CARMIL1: variants seen among roughly 807,000 people sequenced by gnomAD.
CARMIL1 encodes capping protein regulator and myosin 1 linker 1, also known as F-actin-uncapping protein LRRC16A.
CARMIL1 carries 90 observed loss-of-function variants against 177.1 expected under a neutral mutation model. The observed-to-expected ratio is 0.51, with a 90% CI of 0.43 to 0.61. CARMIL1 has a LOEUF of 0.61. Among genes scored for constraint, CARMIL1 ranks in the 20% least tolerant of loss-of-function variants. The pLI is 0.00. For missense variants in CARMIL1, 1,380 were observed against 1,667.0 expected (o/e 0.83, Z 3.00); for synonymous variants, 577 against 606.2 (o/e 0.95, Z 0.71).
intron 9 of CARMIL1, among the ~76,000 whole-genome samples, chr6:25,468,254 T>A (rs983590011): frequency 6.6e-6 from 1 of 152,070 alleles, no homozygotes; most frequent in African/African-American, 2.4e-5. Context: ...TTGGCCAACA[T>A]TCTTGATTCA....
chr6:25,292,694 G>T (rs1478596597), intron 2 of CARMIL1, among the ~76,000 whole-genome samples: 1 of 152,130 alleles, frequency 6.6e-6, no homozygotes, highest in African/African-American at 2.4e-5. Context: ...ACATACACCA[G>T]GCTCGGTGTA....
At chr6:25,392,096 G>A (rs936648815) in intron 2 of CARMIL1, among the ~76,000 whole-genome samples, 1 of 126,874 alleles carries the variant, frequency 7.9e-6, no homozygotes, top group Non-Finnish European at 1.7e-5. Context: ...GTGTGTGTGT[G>A]TGTATCACAT....
chr6:25,310,057 C>G (rs1165451632), intron 2 of CARMIL1, among the ~76,000 whole-genome samples: 2 of 152,044 alleles, frequency 1.3e-5, no homozygotes, highest in Non-Finnish European at 2.9e-5. Context: ...AGTGAGCCAC[C>G]CCGCCGGGCC....
intron 2 of CARMIL1, among the ~76,000 whole-genome samples, chr6:25,387,278 AC>A (rs1461450250): frequency 6.6e-6 from 1 of 152,234 alleles, no homozygotes; most frequent in Non-Finnish European, 1.5e-5. Flanking sequence ...TTTGAGAAAT[AC>A]TTGTTATGAA....
intron 2 of CARMIL1, among the ~76,000 whole-genome samples, chr6:25,361,449 C>A (rs1380384967): frequency 1.3e-5 from 2 of 151,730 alleles, no homozygotes; most frequent in African/African-American, 4.8e-5. Context: ...TTCCAAAATT[C>A]ATTTATATGA....
chr6:25,551,111 A>G, intron 27 of CARMIL1, 26 bp downstream of exon 27: 2 of 1,582,202 alleles, frequency 1.3e-6, no homozygotes, highest in Non-Finnish European at 1.7e-6. Context: ...TAATAAACCT[A>G]GGAGCTGCAG....
At chr6:25,499,767 C>T (rs1392730644) in intron 16 of CARMIL1, among the ~76,000 whole-genome samples, 1 of 152,276 alleles carries the variant, frequency 6.6e-6, no homozygotes, top group African/African-American at 2.4e-5. Context: ...CTTTACTTTG[C>T]GACTCTAATA....
chr6:25,550,102 C>T lies in CARMIL1; in HGVS notation c.2329-808C>T, dbSNP rs962190372. ...ATGCTGATGCCCTTTCCACACTTTC[C>T]AACCGTATCACCCATCTCAGACAAA... On this transcript the variant is annotated intron_variant, in intron 26 of 36. Transcript: ENST00000329474. Among the ~76,000 whole-genome samples, 4 of 152,180 alleles carry T rather than the reference C, an allele frequency of 2.6e-5. No homozygotes were observed. The East Asian group carries it at 7.7e-4, about 29-fold the overall frequency.
chr6:25,411,499 C>T (rs1330590042), intron 2 of CARMIL1, among the ~76,000 whole-genome samples: 2 of 152,148 alleles, frequency 1.3e-5, no homozygotes, highest in Admixed American at 6.6e-5. Flanking sequence ...TCTGTATCAG[C>T]GGGTGCTTTG....
rs76770815 is a variant in CARMIL1 at position 25,489,625 on chromosome 6, C to T, written c.1065+1040C>T. ...CTTTGAATGGCCTTAATTTGCATTC[C>T]ACTGCTTTGCCACAGGGCTGAAAAA... On this transcript the variant is annotated intron_variant, in intron 13 of 36. Transcript: ENST00000329474. Among the ~76,000 whole-genome samples, 16 of 152,272 alleles carry T rather than the reference C, an allele frequency of 1.1e-4. No homozygotes were observed. In the East Asian group the frequency reaches 3.1e-3, roughly 29 times the overall value.
chr6:25,310,385 C>A (rs547211748), intron 2 of CARMIL1, among the ~76,000 whole-genome samples: 2 of 152,226 alleles, frequency 1.3e-5, no homozygotes, highest in African/African-American at 4.8e-5. Flanking sequence ...TTTCAAACTG[C>A]AGCTGATCAC....
chr6:25,430,515 C>G lies in CARMIL1; in HGVS notation c.249+3955C>G, dbSNP rs1477710529. On this transcript the variant is annotated intron_variant, in intron 4 of 36. Coordinates refer to ENST00000329474, the MANE Select transcript of CARMIL1 (RefSeq NM_017640.6). Reference sequence around the variant, plus strand: ...TGCAATCTCAGCTCATGGCAACCTTCGCTTCTCGGGACCAAGCGATCCTCT... The same window carrying G: ...TGCAATCTCAGCTCATGGCAACCTTGGCTTCTCGGGACCAAGCGATCCTCT... 2.0e-5 allele frequency among the ~76,000 whole-genome samples: 3 copies of G among 151,134 alleles called. No individual in the cohort carries two copies. The South Asian group carries it at 6.3e-4, about 32-fold the overall frequency.
chr6:25,300,519 C>T (rs1488595071), intron 2 of CARMIL1, among the ~76,000 whole-genome samples: 1 of 145,816 alleles, frequency 6.9e-6, no homozygotes. Context: ...TATGGAGGCA[C>T]ACACTTGTAA....
At chr6:25,311,463 G>T (rs1783812300) in intron 2 of CARMIL1, among the ~76,000 whole-genome samples, 1 of 152,124 alleles carries the variant, frequency 6.6e-6, no homozygotes, top group Non-Finnish European at 1.5e-5. Flanking sequence ...AAGTGAGCCA[G>T]TTAGCTCCAT....
chr6:25,445,520 C>G (rs1798146333), intron 5 of CARMIL1, among the ~76,000 whole-genome samples: 1 of 151,244 alleles, frequency 6.6e-6, no homozygotes, highest in African/African-American at 2.4e-5. Context: ...CTTATATTGC[C>G]TTACAAAATA....
rs1320440803 is a variant in CARMIL1, at chr6:25,299,151, TTCCTGGGCA to T, written c.138+14244_138+14252del. 1.1e-4 allele frequency among the ~76,000 whole-genome samples: 17 copies of T among 150,568 alleles called. No homozygotes were observed. The East Asian group carries it at 2.5e-3, about 23-fold the overall frequency. ...CTCTGTGTCTCCATAGTCAGAAGGA[TTCCTGGGCA>T]TGCTGGATTCTTTTTTTTTTTTTTT... On this transcript the variant is annotated intron_variant, in intron 2 of 36. Coordinates refer to ENST00000329474, the MANE Select transcript of CARMIL1 (RefSeq NM_017640.6).
intron 31 of CARMIL1, among the ~76,000 whole-genome samples, chr6:25,593,189 G>T (rs1178142991): frequency 1.3e-5 from 2 of 152,024 alleles, no homozygotes; most frequent in Non-Finnish European, 2.9e-5. Context: ...CCATATCTTG[G>T]GCAGCTCTTG....
chr6:25,384,134 C>T (rs569119419), intron 2 of CARMIL1, among the ~76,000 whole-genome samples: 3 of 152,294 alleles, frequency 2.0e-5, no homozygotes, highest in East Asian at 1.9e-4. Context: ...CCACCGCGCC[C>T]GGCTGGTTTT....
rs757810155 is a variant in CARMIL1 at position 25,488,510 on chromosome 6, T to C, written c.990T>C (p.Ser330=). The change falls in exon 13 of 37, where the codon AGT becomes AGC. Residue 330 remains serine, a synonymous_variant. Transcript: ENST00000329474. The part of the protein sequence containing the change: ...KGVNSLSQSL[S]ANPLTASTLV... Reference sequence around the variant, plus strand: ...TGAACAGCCTTTCTCAGTCACTCAGTGCCAATCCATTGACCGCCTCTACCC... The same window carrying C: ...TGAACAGCCTTTCTCAGTCACTCAGCGCCAATCCATTGACCGCCTCTACCC... 3 of 1,614,028 alleles carry C rather than the reference T, an allele frequency of 1.9e-6. No individual in the cohort carries two copies. The South Asian group carries it at 3.3e-5, about 18-fold the overall frequency.
Sources: gnomAD v4.1 joint callset for allele counts (sites outside exome capture counted in the v4.1 genomes callset) on GRCh38, gnomAD v4.1.1 for gene constraint, MANE v1.5 for transcripts, NCBI Gene and HGNC (gene_info 2026-07-23, HGNC 2026-07-21) for gene names.